The following RYK variants were observed in gnomAD, a reference collection of about 807,000 sequenced individuals.
RYK encodes receptor like tyrosine kinase.
RYK carries 21 observed loss-of-function variants against 70.2 expected under a neutral mutation model. The ratio of observed to expected loss-of-function variants is 0.30; its 90% CI spans 0.21 to 0.43. The LOEUF is 0.43. Ranked by LOEUF, RYK falls within the 20% of genes least tolerant of loss-of-function variation. The pLI, the probability that RYK is intolerant of heterozygous loss-of-function variation, is 1.00. For synonymous variants in RYK, 267 were observed against 278.0 expected (o/e 0.96, Z 0.39); for missense variants, 604 against 753.3 (o/e 0.80, Z 2.32).
At chr3:134,166,589 C>T (rs1195388568) in intron 13 of RYK, among the ~76,000 whole-genome samples, 10 of 152,182 alleles carry the variant, frequency 6.6e-5, no homozygotes, top group African/African-American at 2.4e-4. Flanking sequence ...CTAACCAGGC[C>T]ATTACACATA....
At chr3:134,194,759 T>C (rs2013760865) in intron 7 of RYK, among the ~76,000 whole-genome samples, 2 of 152,218 alleles carry the variant, frequency 1.3e-5, no homozygotes, top group South Asian at 4.1e-4. Flanking sequence ...AGCTCAATAG[T>C]TAATTCCATA....
chr3:134,207,403 A>C, intron 5 of RYK, 69 bp downstream of exon 5: 2 of 967,212 alleles, frequency 2.1e-6, no homozygotes, highest in Middle Eastern at 2.7e-4. Flanking sequence ...GCTTCATGCA[A>C]TCATGTTTAT....
intron 4 of RYK, 74 bp from the exon 5 acceptor site, chr3:134,207,599 A>G (rs916968616): frequency 1.2e-5 from 12 of 987,362 alleles, no homozygotes; most frequent in Non-Finnish European, 1.7e-5. Context: ...TATAATTATC[A>G]GAACATTGCT....
rs182616768 is a variant in RYK, at chr3:134,185,829, C to T, written c.1103-2758G>A. ...TTCAGAATGTGTCATTTTATACTTA[C>T]TTTTTTCAAGTTTTTATTTTGATAA... On this transcript the variant is annotated intron_variant, in intron 9 of 14. Coordinates refer to ENST00000623711, the MANE Select transcript of RYK (RefSeq NM_002958.4). 1.8e-3 allele frequency among the ~76,000 whole-genome samples: 277 copies of T among 152,198 alleles called. 2 individuals carry two copies. Among genetic ancestry groups the T allele is most frequent in the African/African-American group, 6.5e-3 (272 of 41,534 alleles).
intron 1 of RYK, among the ~76,000 whole-genome samples, chr3:134,227,260 G>T (rs893066054): frequency 2.0e-5 from 3 of 152,198 alleles, no homozygotes; most frequent in Non-Finnish European, 4.4e-5. Flanking sequence ...ACATGGCTAA[G>T]AAAAATTAGA....
chr3:134,206,326 AAAAC>A (rs1199124286), intron 5 of RYK, among the ~76,000 whole-genome samples: 2 of 152,230 alleles, frequency 1.3e-5, no homozygotes, highest in Non-Finnish European at 2.9e-5. Context: ...AGTTTACAGA[AAAAC>A]AAACAAACAA....
intron 1 of RYK, among the ~76,000 whole-genome samples, chr3:134,227,681 T>C (rs975547848): frequency 8.6e-5 from 13 of 151,734 alleles, no homozygotes; most frequent in African/African-American, 3.1e-4. Flanking sequence ...CTTTTTTTAT[T>C]TTTTTTTAAG....
chr3:134,232,880 A>T (rs2015098599), intron 1 of RYK, among the ~76,000 whole-genome samples: 1 of 152,266 alleles, frequency 6.6e-6, no homozygotes, highest in African/African-American at 2.4e-5. Flanking sequence ...ATAGAATTAT[A>T]ACTTTCAGTG....
At chr3:134,188,693 A>G in intron 9 of RYK, 144 bp downstream of exon 9, 1 of 558,958 alleles carries the variant, frequency 1.8e-6, no homozygotes, top group South Asian at 2.5e-5. Flanking sequence ...AGGCTCATAT[A>G]AGACAATTTT....
At chr3:134,169,408 C>T (rs1239515108) in intron 13 of RYK, among the ~76,000 whole-genome samples, 1 of 152,042 alleles carries the variant, frequency 6.6e-6, no homozygotes, top group East Asian at 1.9e-4. Flanking sequence ...AAGAAAGTCA[C>T]ATAAAAAAAT....
chr3:134,190,004 A>G (rs538447046), intron 8 of RYK, among the ~76,000 whole-genome samples: 11 of 152,318 alleles, frequency 7.2e-5, no homozygotes, highest in African/African-American at 2.6e-4. Flanking sequence ...TTTGCTGCAG[A>G]TACCATGCAT....
intron 1 of RYK, among the ~76,000 whole-genome samples, chr3:134,247,639 T>C (rs1330390269): frequency 6.6e-6 from 1 of 151,690 alleles, no homozygotes; most frequent in East Asian, 1.9e-4. Context: ...GAGGCAGAGG[T>C]TGCGGTGAGC....
intron 6 of RYK, among the ~76,000 whole-genome samples, chr3:134,201,248 C>A (rs532567765): frequency 6.6e-6 from 1 of 152,212 alleles, no homozygotes; most frequent in Non-Finnish European, 1.5e-5. Flanking sequence ...CCTTCTCATT[C>A]GTATCCCTTT....
intron 2 of RYK, among the ~76,000 whole-genome samples, chr3:134,216,355 C>G (rs1175266161): frequency 6.6e-6 from 1 of 152,134 alleles, no homozygotes; most frequent in Non-Finnish European, 1.5e-5. Context: ...TCCAGCAGTG[C>G]CTGCTGGAAC....
intron 7 of RYK, among the ~76,000 whole-genome samples, 177 bp downstream of exon 7, chr3:134,194,905 T>A (rs2013765610): frequency 6.6e-6 from 1 of 152,202 alleles, no homozygotes; most frequent in Non-Finnish European, 1.5e-5. Context: ...GATACCTCAA[T>A]TTTAGAATGT....
rs1186206557 is a variant in RYK at position 134,177,964 on chromosome 3, A to C, written c.1282T>G (p.Leu428Val). The change falls in exon 11 of 15, where the codon TTA becomes GTA. Residue 428 changes from leucine (L) to valine (V), a missense_variant. Leu to Val is a conservative substitution (Grantham distance 32). Around this residue, in one of 2 missense-constraint regions of RYK, gnomAD observed 466 missense variants for 535.9 expected, o/e 0.87. Transcript: ENST00000623711. Reference protein sequence around the residue: ...NLKLFLRQCKLVEANNPQAIS... With the variant: ...NLKLFLRQCKVVEANNPQAIS... ...ACCTGTGGATTATTGGCCTCTACTA[A>C]CTTGCACTGTCGTAAAAACAATTTA... is the stretch of plus-strand genomic sequence containing the variant. 2 of 1,612,356 alleles carry C rather than the reference A, an allele frequency of 1.2e-6. No individual in the cohort carries two copies. The highest frequency in any genetic ancestry group is 2.2e-5 in the South Asian group (2 of 90,508).
chr3:134,203,222 C>G (rs2014085510), intron 5 of RYK, among the ~76,000 whole-genome samples: 1 of 152,094 alleles, frequency 6.6e-6, no homozygotes, highest in Admixed American at 6.6e-5. Flanking sequence ...GTGGCAGGCA[C>G]CTGTAATCCT....
At chr3:134,158,764 G>T (rs996168058) in intron 14 of RYK, among the ~76,000 whole-genome samples, 4 of 152,160 alleles carry the variant, frequency 2.6e-5, no homozygotes, top group African/African-American at 2.4e-5. Flanking sequence ...TACATGGCAA[G>T]ATAAGCTATG....
chr3:134,198,691 C>A (rs1338746009), intron 6 of RYK, among the ~76,000 whole-genome samples: 3 of 152,120 alleles, frequency 2.0e-5, no homozygotes, highest in African/African-American at 7.2e-5. Context: ...AAAACATAAA[C>A]CAGACAGAAT....
Sources: gnomAD v4.1 joint callset for allele counts (sites outside exome capture counted in the v4.1 genomes callset) on GRCh38, gnomAD v4.1.1 for gene constraint, gnomAD v4.1.1 regional missense constraint, MANE v1.5 for transcripts, NCBI Gene and HGNC (gene_info 2026-07-23, HGNC 2026-07-21) for gene names.